Variants in PITPNM3 observed in about 807,000 individuals in gnomAD.
PITPNM3 encodes PITPNM family member 3.
In PITPNM3, 26 loss-of-function variants were observed where a neutral mutation model predicts 102.0. The ratio of observed to expected loss-of-function variants is 0.25; its 90% CI spans 0.19 to 0.35. The LOEUF (loss-of-function observed/expected upper bound fraction) is 0.35. PITPNM3 is among the 10% of genes least tolerant of loss of function. The pLI, the probability that PITPNM3 is intolerant of heterozygous loss-of-function variation, is 1.00. For missense variants in PITPNM3, 1,083 were observed against 1,346.1 expected (o/e 0.80, Z 3.06); for synonymous variants, 578 against 558.6 (o/e 1.03, Z -0.49).
In PITPNM3 at chr17:6,472,637, T is replaced by G; in HGVS notation, c.1429+20A>C. Reference sequence around the variant, plus strand: ...CCCACCTCCAGCTCAGCACACTCTCTCCCACCCCCAAGAACCTACCGAGGA... The same window carrying G: ...CCCACCTCCAGCTCAGCACACTCTCGCCCACCCCCAAGAACCTACCGAGGA... On this transcript the variant is annotated intron_variant, in intron 11 of 19. Transcript: ENST00000262483. The surrounding 1 kb of genome is among the most constrained non-coding windows in gnomAD (Gnocchi z 4.1). The G allele has an allele frequency of 6.2e-7, 1 of 1,608,402 alleles. No homozygotes were observed. Among genetic ancestry groups the G allele is most frequent in the Non-Finnish European group, 8.5e-7 (1 of 1,178,200 alleles).
At chr17:6,547,449 T>C (rs1001848781) in intron 1 of PITPNM3, among the ~76,000 whole-genome samples, 1 of 152,174 alleles carries the variant, frequency 6.6e-6, no homozygotes, top group African/African-American at 2.4e-5. Flanking sequence ...CTGTCCCCCC[T>C]ATGTCCCGCC....
Position 6,455,462 on chromosome 17 carries a change from G to A in PITPNM3, c.2801C>T (p.Pro934Leu), listed in dbSNP as rs1914046637. 6.2e-7 allele frequency: 1 copy of A among 1,604,490 alleles called. No individual in the cohort carries two copies. The highest frequency in any genetic ancestry group is 8.5e-7 in the Non-Finnish European group (1 of 1,179,268). Reference protein sequence around the residue: ...RRTMSVQQPDPPAANPKPERA... With the variant: ...RRTMSVQQPDLPAANPKPERA... Reference sequence around the variant, plus strand: ...CTCGGGCTTGGGGTTGGCGGCGGGCGGGTCGGGCTGCTGCACTGACATGGT... The same window carrying A: ...CTCGGGCTTGGGGTTGGCGGCGGGCAGGTCGGGCTGCTGCACTGACATGGT... The change falls in exon 20 of 20, where the codon CCG (proline) becomes CTG (leucine). Residue 934 changes from proline (P) to leucine (L), a missense_variant. By Grantham distance (98) the Pro-to-Leu change is moderately conservative (BLOSUM62 -3). Around this residue, in one of 5 missense-constraint regions of PITPNM3, gnomAD observed 208 missense variants for 178.2 expected, o/e 1.17. Transcript: ENST00000262483.
intron 1 of PITPNM3, among the ~76,000 whole-genome samples, chr17:6,539,039 C>T (rs1215375632): frequency 1.3e-5 from 2 of 151,798 alleles, no homozygotes; most frequent in Non-Finnish European, 2.9e-5. Flanking sequence ...TCCTGCCTGT[C>T]GTTCCTGCCT....
chr17:6,491,516 G>A (rs773580347), intron 4 of PITPNM3, among the ~76,000 whole-genome samples: 5 of 152,050 alleles, frequency 3.3e-5, no homozygotes, highest in Non-Finnish European at 5.9e-5. Context: ...AAAGTGGATC[G>A]GCTCTGGCTG....
chr17:6,503,453 A>T, intron 4 of PITPNM3, 74 bp downstream of exon 4: 1 of 1,512,840 alleles, frequency 6.6e-7, no homozygotes, highest in Non-Finnish European at 9.1e-7. Flanking sequence ...AGTGGATGAG[A>T]GGGGACCCAG....
intron 1 of PITPNM3, among the ~76,000 whole-genome samples, chr17:6,554,729 T>C (rs908154642): frequency 7.5e-5 from 10 of 133,700 alleles, no homozygotes; most frequent in African/African-American, 2.8e-4. Context: ...TCGAGTCCAA[T>C]AGACCTGGCT....
Position 6,464,857 on chromosome 17 carries a change from G to T in PITPNM3, c.1891-86C>A, listed in dbSNP as rs575008412. ...ATTGCAGTGTTCCTCAGACTGGCTG[G>T]AGGCATATCAGCTTGCTGAATCATG... On this transcript the variant is annotated intron_variant, in intron 14 of 19. Coordinates refer to ENST00000262483, the MANE Select transcript of PITPNM3 (RefSeq NM_031220.4). 4 of 1,255,442 alleles carry T rather than the reference G, an allele frequency of 3.2e-6. No individual in the cohort carries two copies. In the African/African-American group the frequency reaches 4.4e-5, roughly 14 times the overall value. 77.8% of individuals were successfully genotyped at this position (1,255,442 alleles called of 1,614,324 possible).
chr17:6,553,815 G>A (rs1404326478), intron 1 of PITPNM3, among the ~76,000 whole-genome samples: 3 of 152,048 alleles, frequency 2.0e-5, no homozygotes, highest in Non-Finnish European at 4.4e-5. Context: ...GAGGCAGGTG[G>A]TACTGAACAG....
intron 2 of PITPNM3, among the ~76,000 whole-genome samples, chr17:6,533,247 C>T (rs978170186): frequency 1.3e-5 from 2 of 152,040 alleles, no homozygotes; most frequent in Non-Finnish European, 2.9e-5. Context: ...CAGGCATGAG[C>T]GACCATGCCT....
In PITPNM3 at chr17:6,501,265, C is replaced by T. The variant is rs73978305; in HGVS notation, c.274+2262G>A. Among the ~76,000 whole-genome samples, 1,043 of 152,256 alleles carry T rather than the reference C, an allele frequency of 6.9e-3. 8 individuals carry two copies. Among genetic ancestry groups the T allele is most frequent in the African/African-American group, 0.022 (925 of 41,522 alleles). ...CATTCCTGGGGAATGGGGTGACACC[C>T]CTATATTCATCATGCTTGTTATTTT... On this transcript the variant is annotated intron_variant, in intron 4 of 19. Transcript: ENST00000262483.
chr17:6,506,309 AC>A (rs1907502804), intron 3 of PITPNM3, among the ~76,000 whole-genome samples: 1 of 151,432 alleles, frequency 6.6e-6, no homozygotes, highest in South Asian at 2.1e-4. Context: ...ATGCTCTAAA[AC>A]CTGTTATGGT....
At chr17:6,479,324 G>C (rs1447970938) in intron 6 of PITPNM3, 2 of 154,056 alleles carry the variant, frequency 1.3e-5, no homozygotes, top group Non-Finnish European at 2.9e-5. Flanking sequence ...TGACCCCCGA[G>C]GGGGCTGAAA....
chr17:6,474,994 G>A (rs9896765), intron 9 of PITPNM3, among the ~76,000 whole-genome samples: 39,549 of 152,092 alleles, frequency 0.26, 6,136 homozygotes, highest in Middle Eastern at 0.41. Context: ...CACCTGGGGC[G>A]CCTGAGCATC....
Position 6,470,216 on chromosome 17 carries a change from C to A in PITPNM3, c.1773+44G>T. ...TCCAGCTGGAGAAGGGGCGGTACCC[C>A]CTTGGGGTGGCTGTGGGCAGGCCCG... On this transcript the variant is annotated intron_variant, in intron 13 of 19. Transcript: ENST00000262483. This position sits in a 1 kb window ranked among gnomAD's most constrained non-coding sequence, Gnocchi z 4.8. The A allele has an allele frequency of 6.4e-7, 1 of 1,559,546 alleles. No homozygotes were observed. The highest frequency in any genetic ancestry group is 8.7e-7 in the Non-Finnish European group (1 of 1,150,126).
Position 6,556,377 on chromosome 17 carries a change from G to T in PITPNM3, c.22+8C>A. ...CCCCGGCCCTGCCCTCCCCGCGCCC[G>T]CCCTCACCTGCACGGCCCGCCTTGG... On this transcript the variant is annotated splice_region_variant and intron_variant, in intron 1 of 19. Coordinates refer to ENST00000262483, the MANE Select transcript of PITPNM3 (RefSeq NM_031220.4). The surrounding 1 kb of genome is among the most constrained non-coding windows in gnomAD (Gnocchi z 5.2). The T allele has an allele frequency of 8.3e-7, 1 of 1,209,750 alleles. No homozygotes were observed. Among genetic ancestry groups the T allele is most frequent in the Non-Finnish European group, 1.1e-6 (1 of 922,562 alleles). 74.9% of individuals were successfully genotyped at this position (1,209,750 alleles called of 1,614,324 possible).
intron 4 of PITPNM3, among the ~76,000 whole-genome samples, chr17:6,492,804 C>T (rs1000326474): frequency 1.3e-5 from 2 of 152,014 alleles, no homozygotes; most frequent in African/African-American, 4.8e-5. Flanking sequence ...TTGCAGTGAA[C>T]AGAGATCCTG....
intron 16 of PITPNM3, 57 bp downstream of exon 16, chr17:6,464,113 G>C: frequency 1.9e-6 from 3 of 1,611,922 alleles, no homozygotes; most frequent in Non-Finnish European, 2.5e-6. Context: ...GACAGGCCTG[G>C]CTGGAAGGGC....
chr17:6,531,875 G>A (rs1909165900), intron 2 of PITPNM3, among the ~76,000 whole-genome samples: 1 of 152,198 alleles, frequency 6.6e-6, no homozygotes, highest in African/African-American at 2.4e-5. Context: ...GGCTGAGGCG[G>A]ACGGATCACC....
chr17:6,455,174 C>T lies in PITPNM3; in HGVS notation c.*164G>A. Reference sequence around the variant, plus strand: ...CCCCGTCGCAGCTCAGGGAGCCCCCCGGGCTCGGGCAGGATCCCTCCCCGC... The same window carrying T: ...CCCCGTCGCAGCTCAGGGAGCCCCCTGGGCTCGGGCAGGATCCCTCCCCGC... On this transcript the variant is annotated 3_prime_UTR_variant, in exon 20 of 20. Coordinates refer to ENST00000262483, the MANE Select transcript of PITPNM3 (RefSeq NM_031220.4). 1 of 927,474 alleles carries T rather than the reference C, an allele frequency of 1.1e-6. No individual in the cohort carries two copies. Among genetic ancestry groups the T allele is most frequent in the Non-Finnish European group, 1.5e-6 (1 of 654,636 alleles). The allele number at this position is 927,474 out of a possible 1,614,324, so 57.5% of individuals were successfully genotyped here. A position where few individuals can be genotyped will look rare whatever the true frequency, so the allele number is the denominator to read the frequency against.
Sources: gnomAD v4.1 joint callset for allele counts (sites outside exome capture counted in the v4.1 genomes callset) on GRCh38, gnomAD v4.1.1 for gene constraint, gnomAD v4.1.1 regional missense constraint, Gnocchi (gnomAD v3.1) non-coding constraint, MANE v1.5 for transcripts, NCBI Gene and HGNC (gene_info 2026-07-23, HGNC 2026-07-21) for gene names.